The following STK40 variants were observed in gnomAD, a reference collection of about 807,000 sequenced individuals.
STK40 encodes serine/threonine kinase 40, also known as serine/threonine-protein kinase 40.
STK40 carries 13 observed loss-of-function variants against 47.9 expected under a neutral mutation model. The ratio of observed to expected loss-of-function variants is 0.27; its 90% CI spans 0.18 to 0.43. The LOEUF is 0.43. Ranked by LOEUF, STK40 falls within the 20% of genes least tolerant of loss-of-function variation. The pLI, the probability that STK40 is intolerant of heterozygous loss-of-function variation, is 1.00. For synonymous variants in STK40, 225 were observed against 243.2 expected, an observed-to-expected ratio of 0.93 and a Z score of 0.69; for missense variants, 460 against 595.1, an observed-to-expected ratio of 0.77 and a Z score of 2.36.
At position 36,341,331 on chromosome 1, in the gene STK40, C is replaced by T. The variant is rs573785861; in HGVS notation, c.*424G>A. The T allele has an allele frequency of 3.8e-4, 62 of 164,424 alleles. No individual in the cohort carries two copies. Among genetic ancestry groups the T allele is most frequent in the Non-Finnish European group, 7.1e-4 (53 of 75,004 alleles). The allele number at this position is 164,424 out of a possible 1,614,324, so 10.2% of individuals were successfully genotyped here. On this transcript the variant is annotated 3_prime_UTR_variant, in exon 11 of 11. Coordinates refer to ENST00000373132, the MANE Select transcript of STK40 (RefSeq NM_001282547.2). ...GGGAGAGCAGGGAGGAGGGGAAGCT[C>T]GCTCTGGGGCCTGCAGCGAGCTGCA...
chr1:36,358,106 G>T, intron 4 of STK40, 133 bp downstream of exon 4: 1 of 1,149,186 alleles, frequency 8.7e-7, no homozygotes, highest in Non-Finnish European at 1.1e-6. Context: ...CACCCTGGAA[G>T]TCCTGATGTA....
intron 5 of STK40, among the ~76,000 whole-genome samples, 171 bp downstream of exon 5, chr1:36,355,034 AG>A (rs1646790268): frequency 6.6e-6 from 1 of 152,192 alleles, no homozygotes; most frequent in South Asian, 2.1e-4. Context: ...GGTGGCCTGC[AG>A]GGTGGCACTG....
chr1:36,348,359 T>G (rs1646722302), intron 7 of STK40, among the ~76,000 whole-genome samples: 1 of 152,224 alleles, frequency 6.6e-6, no homozygotes, highest in Non-Finnish European at 1.5e-5. Context: ...AGCCTCAGCC[T>G]AGTCACACAT....
intron 5 of STK40, among the ~76,000 whole-genome samples, chr1:36,354,658 T>C (rs1026164489): frequency 2.0e-5 from 3 of 152,216 alleles, no homozygotes; most frequent in African/African-American, 7.2e-5. Context: ...TCTTTAGCTC[T>C]TTCTCCCCTC....
At chr1:36,345,970 T>TATAA (rs1446125717) in intron 7 of STK40, among the ~76,000 whole-genome samples, 5 of 18,050 alleles carry the variant, frequency 2.8e-4, no homozygotes, top group Non-Finnish European at 6.3e-4. Context: ...GGGCATTACA[T>TATAA]ATATATATAT....
At position 36,361,362 on chromosome 1, in the gene STK40, C is replaced by CTT. The variant is rs779925882; in HGVS notation, c.-8-24_-8-23dup. On this transcript the variant is annotated intron_variant, in intron 1 of 10. Transcript: ENST00000373132. The stretch of plus-strand genomic sequence containing the variant: ...AGCTCTAGACAAGACAGAAAGACCC[C>CTT]TTCTCACTGAGTAAGTCAGCGAGTT... 3.1e-6 allele frequency: 5 copies of CTT among 1,613,488 alleles called. No homozygotes were observed. The South Asian group carries it at 5.5e-5, about 18-fold the overall frequency.
chr1:36,350,883 CCA>C (rs1440764692), intron 6 of STK40, among the ~76,000 whole-genome samples: 2 of 152,346 alleles, frequency 1.3e-5, no homozygotes, highest in East Asian at 3.9e-4. Context: ...TGGAGTCTCT[CCA>C]CAGGAAGTGG....
intron 2 of STK40, 67 bp downstream of exon 2, chr1:36,361,154 A>G (rs946482715): frequency 1.3e-6 from 2 of 1,580,698 alleles, no homozygotes; most frequent in Non-Finnish European, 1.7e-6. Context: ...AGGTCAGATC[A>G]TGCGAGCCAA....
intron 6 of STK40, among the ~76,000 whole-genome samples, chr1:36,352,336 G>A (rs899192893): frequency 6.6e-6 from 1 of 152,096 alleles, no homozygotes; most frequent in Admixed American, 6.5e-5. Context: ...ATCATATTAC[G>A]CAGCCTCACA....
chr1:36,355,975 C>G (rs921013962), intron 4 of STK40, among the ~76,000 whole-genome samples: 8 of 152,224 alleles, frequency 5.3e-5, no homozygotes, highest in African/African-American at 1.7e-4. Context: ...GGATGCAGTA[C>G]TCCCGACAGT....
intron 6 of STK40, among the ~76,000 whole-genome samples, chr1:36,350,484 G>A (rs924506694): frequency 5.9e-5 from 9 of 152,212 alleles, no homozygotes; most frequent in African/African-American, 1.7e-4. Flanking sequence ...CAGGTTCCTA[G>A]TCCTGGCTCT....
chr1:36,365,200 G>A (rs545852181), intron 1 of STK40, among the ~76,000 whole-genome samples: 1 of 152,304 alleles, frequency 6.6e-6, no homozygotes, highest in South Asian at 2.1e-4. Context: ...ATGTTGGTCA[G>A]GCTGGTCTCG....
At chr1:36,376,351 C>T (rs751315241) in intron 1 of STK40, among the ~76,000 whole-genome samples, 2 of 152,192 alleles carry the variant, frequency 1.3e-5, no homozygotes, top group Non-Finnish European at 2.9e-5. Context: ...AGGCTCTGCA[C>T]AAGCCCAGAA....
At chr1:36,352,802 T>C (rs1646770561) in intron 6 of STK40, among the ~76,000 whole-genome samples, 1 of 152,246 alleles carries the variant, frequency 6.6e-6, no homozygotes, top group Non-Finnish European at 1.5e-5. Context: ...TTCTGGTCAG[T>C]ACACCATCAG....
In STK40 at chr1:36,343,382, A is replaced by G. The variant is rs769540548; in HGVS notation, c.1071T>C (p.Asn357=). 75 of 1,613,296 alleles carry G rather than the reference A, an allele frequency of 4.6e-5. No individual in the cohort carries two copies. Among genetic ancestry groups the G allele is most frequent in the Non-Finnish European group, 5.8e-5 (69 of 1,179,648 alleles). ...AACTCACCTCCTGGGAGCTATCCGC[A>G]TTGCTCATTTGGTCATCAATGTCAG... The part of the protein sequence containing the change: ...VVPDIDDQMS[N]ADSSQEAKVT... The change falls in exon 10 of 11, where the codon AAT becomes AAC. Residue 357 remains asparagine, a synonymous_variant. Coordinates refer to ENST00000373132, the MANE Select transcript of STK40 (RefSeq NM_001282547.2).
chr1:36,346,399 T>C (rs1486653416), intron 7 of STK40, among the ~76,000 whole-genome samples: 1 of 152,164 alleles, frequency 6.6e-6, no homozygotes, highest in African/African-American at 2.4e-5. Context: ...CAAATTCACA[T>C]GGTTATTAGC....
At position 36,357,208 on chromosome 1, in the gene STK40, G is replaced by C. The variant is rs75951913; in HGVS notation, c.342+1031C>G. On this transcript the variant is annotated intron_variant, in intron 4 of 10. Transcript: ENST00000373132. Reference sequence around the variant, plus strand: ...TATCACTATCCCCATTTTATAGATGGGGAATCTGAGGCCTAGAGACCTTAA... The same window carrying C: ...TATCACTATCCCCATTTTATAGATGCGGAATCTGAGGCCTAGAGACCTTAA... 1.8e-3 allele frequency among the ~76,000 whole-genome samples: 273 copies of C among 152,278 alleles called. 1 individual carries two copies. The highest frequency in any genetic ancestry group is 3.3e-3 in the Non-Finnish European group (225 of 68,014).
At chr1:36,359,364 C>T (rs908932776) in intron 2 of STK40, among the ~76,000 whole-genome samples, 1 of 152,186 alleles carries the variant, frequency 6.6e-6, no homozygotes, top group Non-Finnish European at 1.5e-5. Context: ...TGTGTTTGTG[C>T]CACTGCACTC....
intron 1 of STK40, among the ~76,000 whole-genome samples, chr1:36,374,659 C>A (rs1008989664): frequency 6.6e-6 from 1 of 152,226 alleles, no homozygotes; most frequent in Admixed American, 6.5e-5. Context: ...CTGGGCCGTA[C>A]TGGCTTGGCC....
Sources: gnomAD v4.1 joint callset for allele counts (sites outside exome capture counted in the v4.1 genomes callset) on GRCh38, gnomAD v4.1.1 for gene constraint, MANE v1.5 for transcripts, NCBI Gene and HGNC (gene_info 2026-07-23, HGNC 2026-07-21) for gene names.